Variants in MYOF observed in about 807,000 individuals in gnomAD.
MYOF encodes myoferlin, also known as fer-1-like 3, myoferlin.
A neutral mutation model predicts 284.2 loss-of-function variants in MYOF; 244 were observed. The ratio of observed to expected loss-of-function variants is 0.86; its 90% CI spans 0.77 to 0.95. The LOEUF (loss-of-function observed/expected upper bound fraction) is 0.95. Ranked by LOEUF, MYOF falls within the 40% of genes least tolerant of loss-of-function variation. MYOF has a pLI of 0.00. For missense variants in MYOF, 2,496 were observed against 2,560.6 expected, an observed-to-expected ratio of 0.97 and a Z score of 0.54; for synonymous variants, 904 against 919.7, an observed-to-expected ratio of 0.98 and a Z score of 0.31.
At chr10:93,334,828 T>A (rs1312888460) in intron 41 of MYOF, among the ~76,000 whole-genome samples, 2 of 152,162 alleles carry the variant, frequency 1.3e-5, no homozygotes, top group African/African-American at 4.8e-5. Context: ...TCAGTAGGGT[T>A]GGCTCTTGTG....
In MYOF at chr10:93,325,727, T is replaced by A. The variant is rs191350898; in HGVS notation, c.5271+99A>T. On this transcript the variant is annotated intron_variant, in intron 46 of 53. Transcript: ENST00000359263. ...AGTCTCATTTCTATTTCTGTGCATC[T>A]CAAAGTATTCAAAGAAGATAAAAGG... 1.7e-4 allele frequency: 235 copies of A among 1,374,092 alleles called. 2 individuals are homozygous for A. The East Asian group carries it at 4.9e-3, about 29-fold the overall frequency. 85.1% of individuals were successfully genotyped at this position (1,374,092 alleles called of 1,614,324 possible).
At chr10:93,320,505 A>T (rs1164886068) in intron 48 of MYOF, among the ~76,000 whole-genome samples, 1 of 152,200 alleles carries the variant, frequency 6.6e-6, no homozygotes, top group Admixed American at 6.5e-5. Flanking sequence ...TTTATAAATT[A>T]TTCTTAAATT....
chr10:93,394,448 C>CTCTTTTTTTTTTTTTTTT (rs1846871495), intron 16 of MYOF, among the ~76,000 whole-genome samples: 4 of 28,682 alleles, frequency 1.4e-4, no homozygotes, highest in Non-Finnish European at 1.3e-4. Context: ...ACCATCTTGT[C>CTCTTTTTTTTTTTTTTTT]TTTTTTTTTT....
At position 93,409,614 on chromosome 10, in the gene MYOF, TCTTTA is replaced by T. The variant is rs1228821851; in HGVS notation, c.554_558del (p.Val185GlufsTer9). On this transcript the variant is annotated frameshift_variant, in exon 6 of 54. Transcript: ENST00000359263. LOFTEE classifies it high-confidence loss of function. ...TTATTTGACAGCATCCGCCGGCTGT[TCTTTA>T]CTTTGGTGAGCCTCCGAGCAAGCTG... The T allele has an allele frequency of 1.9e-6, 3 of 1,614,226 alleles. No individual in the cohort carries two copies. Among genetic ancestry groups the T allele is most frequent in the South Asian group, 2.2e-5 (2 of 91,088 alleles).
Position 93,329,674 on chromosome 10 carries a change from C to T in MYOF, c.4972G>A (p.Glu1658Lys), listed in dbSNP as rs1184782290. Reference protein sequence around the residue: ...RFGSHCGIPEEYCVSGVNTWR... With the variant: ...RFGSHCGIPEKYCVSGVNTWR... ...GTCAAAGCAACTTACACACAGTACT[C>T]CTCTGGTATGCCGCAGTGGGACCCA... Residue 1658 changes from glutamate (E) to lysine (K), a missense_variant, in exon 44 of 54, where the codon GAG becomes AAG. By Grantham distance (56) the Glu-to-Lys change is moderately conservative (BLOSUM62 1). Transcript: ENST00000359263. 5 of 1,614,012 alleles carry T rather than the reference C, an allele frequency of 3.1e-6. No individual in the cohort carries two copies. The highest frequency in any genetic ancestry group is 2.2e-5 in the South Asian group (2 of 91,064).
intron 19 of MYOF, among the ~76,000 whole-genome samples, chr10:93,386,200 G>A (rs569683631): frequency 6.6e-6 from 1 of 152,292 alleles, no homozygotes; most frequent in Admixed American, 6.5e-5. Flanking sequence ...TCTCCACGGA[G>A]GCCTCCAAGT....
At chr10:93,374,414 G>T (rs935743236) in intron 23 of MYOF, among the ~76,000 whole-genome samples, 11 of 152,150 alleles carry the variant, frequency 7.2e-5, no homozygotes, top group African/African-American at 9.7e-5. Context: ...TAGAACCAAG[G>T]TTCAAATTCA....
At chr10:93,355,363 G>A (rs868653150) in intron 31 of MYOF, among the ~76,000 whole-genome samples, 21 of 152,202 alleles carry the variant, frequency 1.4e-4, no homozygotes, top group African/African-American at 4.6e-4. Flanking sequence ...GTAGGCCAAG[G>A]CGGGTGGATC....
chr10:93,410,699 T>C (rs985493475), intron 5 of MYOF, among the ~76,000 whole-genome samples: 1 of 152,236 alleles, frequency 6.6e-6, no homozygotes, highest in East Asian at 1.9e-4. Context: ...TTAGAACTTC[T>C]GGTAATCTGT....
At chr10:93,371,245 T>C (rs948907336) in intron 24 of MYOF, among the ~76,000 whole-genome samples, 3 of 152,238 alleles carry the variant, frequency 2.0e-5, no homozygotes, top group African/African-American at 7.2e-5. Flanking sequence ...TTGATATGGT[T>C]TCAGATGTCA....
At chr10:93,324,937 G>A (rs1041759109) in intron 46 of MYOF, among the ~76,000 whole-genome samples, 1 of 151,810 alleles carries the variant, frequency 6.6e-6, no homozygotes, top group Non-Finnish European at 1.5e-5. Context: ...CCACCACCGC[G>A]CCCAGCTAAT....
intron 26 of MYOF, 40 bp downstream of exon 26, chr10:93,366,352 T>C (rs773288803): frequency 1.3e-6 from 2 of 1,590,440 alleles, no homozygotes; most frequent in South Asian, 1.1e-5. Flanking sequence ...AGAGAAAGAT[T>C]TCATTGCTAT....
At position 93,408,932 on chromosome 10, in the gene MYOF, G is replaced by T. The variant is rs1256761199; in HGVS notation, c.601-17C>A. On this transcript the variant is annotated splice_polypyrimidine_tract_variant and intron_variant, in intron 6 of 53. Transcript: ENST00000359263. ...GACGCGGATCTGCAGCACAGAAGGGGGATGGTTACCCAACCTTTCCCAGCA... is the reference window on the plus strand; with the variant it reads ...GACGCGGATCTGCAGCACAGAAGGGTGATGGTTACCCAACCTTTCCCAGCA... 2 of 1,613,380 alleles carry T rather than the reference G, an allele frequency of 1.2e-6. No individual in the cohort carries two copies.
At chr10:93,428,362 A>T (rs1848689226) in intron 4 of MYOF, among the ~76,000 whole-genome samples, 1 of 70,070 alleles carries the variant, frequency 1.4e-5, no homozygotes, top group South Asian at 6.5e-4. Context: ...CACCATGCCC[A>T]GCTAATTTTT....
At position 93,337,966 on chromosome 10, in the gene MYOF, C is replaced by T. The variant is rs544148695; in HGVS notation, c.4339-53G>A. On this transcript the variant is annotated intron_variant, in intron 39 of 53. Coordinates refer to ENST00000359263, the MANE Select transcript of MYOF (RefSeq NM_013451.4). ...TTTAGTGATGTCCTGGATTTCCAAT[C>T]GATGCAGGAAAATGCATTTGTAATA... 1.1e-4 allele frequency: 142 copies of T among 1,308,558 alleles called. 1 individual carries two copies. The highest frequency in any genetic ancestry group is 1.8e-4 in the Middle Eastern group (1 of 5,436). 81.1% of individuals were successfully genotyped at this position (1,308,558 alleles called of 1,614,324 possible). A position where few individuals can be genotyped will look rare whatever the true frequency, so the allele number is the denominator to read the frequency against.
intron 53 of MYOF, among the ~76,000 whole-genome samples, chr10:93,309,282 A>C (rs1391075719): frequency 6.6e-6 from 1 of 152,190 alleles, no homozygotes; most frequent in African/African-American, 2.4e-5. Flanking sequence ...GCTCTTGGGC[A>C]CAAATCATGC....
At chr10:93,347,567 A>AATAAAAAAAT in intron 37 of MYOF, 50 bp downstream of exon 37, 71 of 1,186,040 alleles carry the variant, frequency 6.0e-5, no homozygotes, top group South Asian at 5.8e-4. Flanking sequence ...TCAAAAAAAA[A>AATAAAAAAAT]AAAAAAAAAA....
At chr10:93,450,328 G>T (rs114538293) in intron 3 of MYOF, among the ~76,000 whole-genome samples, 1,760 of 152,332 alleles carry the variant, frequency 0.012, 25 homozygotes, top group African/African-American at 0.04. Context: ...GGAGTCTGAG[G>T]TTGCAGTGAG....
At chr10:93,431,964 G>A (rs926244135) in intron 3 of MYOF, among the ~76,000 whole-genome samples, 6 of 151,932 alleles carry the variant, frequency 3.9e-5, no homozygotes, top group African/African-American at 1.2e-4. Context: ...CAGGCTGGTG[G>A]TCTTGAACTC....
Sources: gnomAD v4.1 joint callset for allele counts (sites outside exome capture counted in the v4.1 genomes callset) on GRCh38, gnomAD v4.1.1 for gene constraint, MANE v1.5 for transcripts, NCBI Gene and HGNC (gene_info 2026-07-23, HGNC 2026-07-21) for gene names.